CDH18: variants seen among roughly 807,000 people sequenced by gnomAD.
CDH18 encodes the protein cadherin 18.
CDH18 carries 31 observed loss-of-function variants against 67.9 expected under a neutral mutation model. The observed-to-expected ratio is 0.46, with a 90% CI of 0.34 to 0.62. The LOEUF is 0.62. Ranked by LOEUF, CDH18 falls within the 20% of genes least tolerant of loss-of-function variation. The pLI is 0.01. For missense variants in CDH18, 890 were observed against 975.5 expected, an observed-to-expected ratio of 0.91 and a Z score of 1.17; for synonymous variants, 362 against 347.2, an observed-to-expected ratio of 1.04 and a Z score of -0.48.
At chr5:19,760,533 T>C (rs1223195000) in intron 3 of CDH18, among the ~76,000 whole-genome samples, 1 of 152,182 alleles carries the variant, frequency 6.6e-6, no homozygotes, top group Non-Finnish European at 1.5e-5. Context: ...GAGTTGAACA[T>C]TAAAAGCAGA....
intron 8 of CDH18, among the ~76,000 whole-genome samples, chr5:19,568,599 T>C (rs1000986803): frequency 2.6e-5 from 4 of 152,088 alleles, no homozygotes; most frequent in African/African-American, 9.7e-5. Flanking sequence ...GGGACATTCA[T>C]TGTGTGATGT....
chr5:19,492,830 G>T (rs1168903821), intron 11 of CDH18, among the ~76,000 whole-genome samples: 1 of 151,992 alleles, frequency 6.6e-6, no homozygotes, highest in African/African-American at 2.4e-5. Context: ...AGATAAATAC[G>T]GAGGATTTCT....
chr5:19,872,533 C>A (rs1786436757), intron 2 of CDH18, among the ~76,000 whole-genome samples: 1 of 152,114 alleles, frequency 6.6e-6, no homozygotes, highest in Non-Finnish European at 1.5e-5. Flanking sequence ...TCCTACTGGC[C>A]TTGAAGATGC....
chr5:19,666,680 C>G (rs1048396507), intron 5 of CDH18, among the ~76,000 whole-genome samples: 1 of 152,028 alleles, frequency 6.6e-6, no homozygotes, highest in Non-Finnish European at 1.5e-5. Flanking sequence ...ACTCAGCTAA[C>G]CTCCCAAAAG....
chr5:19,801,189 C>A (rs193064783), intron 3 of CDH18, among the ~76,000 whole-genome samples: 25 of 152,160 alleles, frequency 1.6e-4, no homozygotes, highest in African/African-American at 6.0e-4. Flanking sequence ...GAAAAAAATC[C>A]TTGGTTTCCT....
intron 2 of CDH18, among the ~76,000 whole-genome samples, chr5:20,187,610 G>A (rs1023539408): frequency 2.0e-5 from 3 of 151,790 alleles, no homozygotes; most frequent in Non-Finnish European, 2.9e-5. Context: ...TTTTTAAAGC[G>A]ATACAAGAAG....
rs1461782205 is a variant in CDH18, at chr5:20,110,077, T to G, written c.-517-118063A>C. ...TTCTCAACTTTCAGATTTCTCTCTC[T>G]GAGCTTACCCTCTACATGCCTTTGA... On this transcript the variant is annotated intron_variant, in intron 2 of 14. Transcript: ENST00000507958. Among the ~76,000 whole-genome samples the G allele has an allele frequency of 2.6e-5, 4 of 152,220 alleles. No homozygotes were observed. The East Asian group carries it at 7.7e-4, about 29-fold the overall frequency.
chr5:19,541,648 G>A (rs533301401), intron 9 of CDH18, among the ~76,000 whole-genome samples: 20 of 152,264 alleles, frequency 1.3e-4, no homozygotes, highest in African/African-American at 3.1e-4. Flanking sequence ...AAGAGAGAGC[G>A]TGTGCAGGGG....
intron 1 of CDH18, among the ~76,000 whole-genome samples, chr5:20,414,863 T>C (rs1346320719): frequency 6.6e-6 from 1 of 152,154 alleles, no homozygotes; most frequent in East Asian, 1.9e-4. Context: ...TCTAGAGAAA[T>C]TGGAACCCTT....
At chr5:20,093,684 G>A (rs1745639800) in intron 2 of CDH18, among the ~76,000 whole-genome samples, 1 of 152,112 alleles carries the variant, frequency 6.6e-6, no homozygotes, top group Non-Finnish European at 1.5e-5. Flanking sequence ...TCAGAGAGCT[G>A]GCTAGGTAAT....
intron 6 of CDH18, among the ~76,000 whole-genome samples, chr5:19,593,707 C>CCTCCTCCTCCTCCTCCTCCTT: frequency 6.0e-5 from 2 of 33,384 alleles, no homozygotes; most frequent in African/African-American, 2.3e-4. Context: ...TCCTCCTCCT[C>CCTCCTCCTCCTCCTCCTCCTT]CTTCTTCTTC....
At chr5:20,141,154 A>G (rs1489691824) in intron 2 of CDH18, among the ~76,000 whole-genome samples, 1 of 152,178 alleles carries the variant, frequency 6.6e-6, no homozygotes, top group East Asian at 1.9e-4. Flanking sequence ...ACTTGTAAGT[A>G]GTATTATACC....
intron 1 of CDH18, among the ~76,000 whole-genome samples, chr5:20,438,839 T>G (rs1165636869): frequency 2.0e-5 from 3 of 151,544 alleles, no homozygotes; most frequent in Non-Finnish European, 4.4e-5. Context: ...TTCCTTTAAT[T>G]ATAATTTACT....
At chr5:19,893,235 G>A (rs1220540603) in intron 2 of CDH18, among the ~76,000 whole-genome samples, 2 of 152,128 alleles carry the variant, frequency 1.3e-5, no homozygotes, top group Admixed American at 6.6e-5. Flanking sequence ...CTAATTCATG[G>A]CCTTTTGCTA....
chr5:19,545,592 T>C (rs1736177613), intron 8 of CDH18, among the ~76,000 whole-genome samples: 1 of 152,190 alleles, frequency 6.6e-6, no homozygotes, highest in East Asian at 1.9e-4. Context: ...ATATATGAAA[T>C]GAAATTCATA....
At chr5:20,419,468 T>TTTTTG (rs1413072561) in intron 1 of CDH18, among the ~76,000 whole-genome samples, 1 of 50,384 alleles carries the variant, frequency 2.0e-5, no homozygotes, top group African/African-American at 2.0e-4. Context: ...CTCTGTTTTT[T>TTTTTG]TTTTTTTTTT....
rs1745648346 is a variant in CDH18, at chr5:20,093,770, G to T, written c.-517-101756C>A. 5.9e-5 allele frequency among the ~76,000 whole-genome samples: 9 copies of T among 152,204 alleles called. No individual in the cohort carries two copies. In the South Asian group the frequency reaches 1.9e-3, roughly 32 times the overall value. On this transcript the variant is annotated intron_variant, in intron 2 of 14. Transcript: ENST00000507958. Reference sequence around the variant, plus strand: ...TTTTCTGGGCCCTTGCCAACTCTTGGTTTTGATCATAAGACTAACAGTCCT... The same window carrying T: ...TTTTCTGGGCCCTTGCCAACTCTTGTTTTTGATCATAAGACTAACAGTCCT...
intron 2 of CDH18, among the ~76,000 whole-genome samples, chr5:20,001,055 T>G: frequency 6.6e-6 from 1 of 152,160 alleles, no homozygotes; most frequent in Non-Finnish European, 1.5e-5. Flanking sequence ...TAACTAAAAA[T>G]AGATCAAATT....
chr5:20,367,627 T>G (rs1215164906), intron 1 of CDH18, among the ~76,000 whole-genome samples: 2 of 152,216 alleles, frequency 1.3e-5, no homozygotes, highest in African/African-American at 4.8e-5. Context: ...TCTTATATTA[T>G]CCATATGCTA....
Sources: allele counts gnomAD v4.1 joint callset (sites outside exome capture counted in the v4.1 genomes callset), GRCh38; gene constraint gnomAD v4.1.1; transcripts MANE v1.5; gene names NCBI Gene and HGNC (gene_info 2026-07-23, HGNC 2026-07-21).